Variants in BRD1 observed in about 807,000 individuals in gnomAD.
The protein encoded by BRD1 is bromodomain-containing protein 1.
BRD1 carries 24 observed loss-of-function variants against 107.7 expected under a neutral mutation model. The observed-to-expected ratio is 0.22, with a 90% CI of 0.16 to 0.31. The LOEUF (loss-of-function observed/expected upper bound fraction) is 0.31, where lower values mean the gene tolerates loss of function less well. Among genes scored for constraint, BRD1 ranks in the 10% least tolerant of loss-of-function variants. The pLI is 1.00. For synonymous variants in BRD1, 744 were observed against 686.1 expected (o/e 1.08, Z -1.32); for missense variants, 1,279 against 1,638.6 (o/e 0.78, Z 3.79).
intron 1 of BRD1, among the ~76,000 whole-genome samples, chr22:49,825,242 C>T (rs1031403365): frequency 6.6e-6 from 1 of 152,168 alleles, no homozygotes; most frequent in Non-Finnish European, 1.5e-5. Context: ...CCCCGGCACA[C>T]GTGAAGGCAG....
chr22:49,791,179 G>C (rs1423028196), intron 7 of BRD1, among the ~76,000 whole-genome samples: 1 of 152,222 alleles, frequency 6.6e-6, no homozygotes, highest in Admixed American at 6.5e-5. Context: ...ACGCAGCCCC[G>C]GGGAAGTCAG....
At chr22:49,813,901 C>T (rs892987247) in intron 2 of BRD1, among the ~76,000 whole-genome samples, 13 of 151,730 alleles carry the variant, frequency 8.6e-5, no homozygotes, top group Admixed American at 2.0e-4. Flanking sequence ...AGAGTGGGGA[C>T]GAGTTTCTTC....
Position 49,824,286 on chromosome 22 carries a change from G to C in BRD1, c.32C>G (p.Ser11Cys). The part of the protein sequence containing the change: MRRKGRCHRG[S>C]AARHPSSPCS... The stretch of plus-strand genomic sequence containing the variant: ...TGGGGAAGAAGGATGCCTCGCTGCA[G>C]AGCCTCGATGACATCGTCCTTTCCT... Residue 11 changes from serine (S) to cysteine (C), a missense_variant, in exon 2 of 13, where the codon TCT (serine) becomes TGT (cysteine). Around this residue, in one of 7 missense-constraint regions of BRD1, gnomAD observed 223 missense variants for 263.5 expected, o/e 0.85. Coordinates refer to ENST00000404760, the MANE Select transcript of BRD1 (RefSeq NM_001304808.3). The surrounding 1 kb of genome is among the most constrained non-coding windows in gnomAD (Gnocchi z 5.9). 1.2e-6 allele frequency: 2 copies of C among 1,613,856 alleles called. No homozygotes were observed. The highest frequency in any genetic ancestry group is 1.7e-4 in the Middle Eastern group (1 of 6,060).
At chr22:49,788,917 T>A (rs904613428) in intron 7 of BRD1, among the ~76,000 whole-genome samples, 1 of 152,256 alleles carries the variant, frequency 6.6e-6, no homozygotes, top group Non-Finnish European at 1.5e-5. Flanking sequence ...CCGTTTGAAG[T>A]ATGTATGGTT....
intron 2 of BRD1, among the ~76,000 whole-genome samples, chr22:49,821,517 T>C (rs2060065426): frequency 6.6e-6 from 1 of 152,246 alleles, no homozygotes. Flanking sequence ...CTGAATTGAC[T>C]AATTATCTGA....
chr22:49,788,469 T>C (rs1179400017), intron 7 of BRD1, among the ~76,000 whole-genome samples: 1 of 152,226 alleles, frequency 6.6e-6, no homozygotes, highest in South Asian at 2.1e-4. Context: ...CCGTGCCACG[T>C]TCCCAAATAT....
rs898817908 is a variant in BRD1, at chr22:49,783,388, T to C, written c.2857+4002A>G. On this transcript the variant is annotated intron_variant, in intron 8 of 12. Coordinates refer to ENST00000404760, the MANE Select transcript of BRD1 (RefSeq NM_001304808.3). This position sits in a 1 kb window ranked among gnomAD's most constrained non-coding sequence, Gnocchi z 4.2. ...GGAAATCAGGTAGAAAACCCAGAAA[T>C]ACAGAAGATGCTAGCGAGTGAGTGA... 3.9e-5 allele frequency among the ~76,000 whole-genome samples: 6 copies of C among 152,084 alleles called. No homozygotes were observed. The highest frequency in any genetic ancestry group is 1.4e-4 in the African/African-American group (6 of 41,402).
At chr22:49,799,395 G>A (rs908386540) in intron 3 of BRD1, among the ~76,000 whole-genome samples, 2 of 152,250 alleles carry the variant, frequency 1.3e-5, no homozygotes, top group African/African-American at 4.8e-5. Context: ...CCTCCAGAGA[G>A]GACAGAGGCC....
intron 6 of BRD1, among the ~76,000 whole-genome samples, chr22:49,796,288 G>A (rs1202999280): frequency 1.3e-5 from 2 of 151,008 alleles, no homozygotes; most frequent in Non-Finnish European, 2.9e-5. Context: ...TACAGACAGG[G>A]TTTCACCACA....
intron 7 of BRD1, among the ~76,000 whole-genome samples, chr22:49,788,542 G>C (rs1381913819): frequency 1.3e-5 from 2 of 152,218 alleles, no homozygotes; most frequent in Non-Finnish European, 2.9e-5. Context: ...TTTGGAAAAA[G>C]ACGGCTTTAA....
intron 9 of BRD1, 107 bp from the exon 10 acceptor site, chr22:49,777,268 C>G: frequency 6.5e-7 from 1 of 1,527,640 alleles, no homozygotes. Flanking sequence ...CGCATCCTGC[C>G]TGACACCCCC....
intron 8 of BRD1, among the ~76,000 whole-genome samples, chr22:49,787,090 C>A: frequency 6.6e-6 from 1 of 152,092 alleles, no homozygotes; most frequent in East Asian, 1.9e-4. Context: ...AAAAAAAAAT[C>A]AGAGAGGAAG....
chr22:49,789,731 C>T (rs139674253), intron 7 of BRD1, among the ~76,000 whole-genome samples: 167 of 152,328 alleles, frequency 1.1e-3, no homozygotes, highest in African/African-American at 3.8e-3. Flanking sequence ...GCACCGTAAA[C>T]CCCCATCTCC....
chr22:49,780,441 CCCAA>C (rs1484427059), intron 8 of BRD1, among the ~76,000 whole-genome samples: 3 of 152,202 alleles, frequency 2.0e-5, no homozygotes, highest in African/African-American at 7.2e-5. Context: ...ACAAACCCAG[CCCAA>C]CCGAGACACC....
At chr22:49,826,443 G>C (rs2060149669) in intron 1 of BRD1, among the ~76,000 whole-genome samples, 1 of 152,232 alleles carries the variant, frequency 6.6e-6, no homozygotes, top group Non-Finnish European at 1.5e-5. Context: ...CCCTTCCACT[G>C]GGACAAGCAT....
At chr22:49,777,541 G>GCACA in intron 9 of BRD1, 137 bp downstream of exon 9, 1 of 1,194,648 alleles carries the variant, frequency 8.4e-7, no homozygotes, top group Non-Finnish European at 1.2e-6. Context: ...CAAGGGCAGA[G>GCACA]CACACATGAA....
chr22:49,781,546 G>T (rs890373025), intron 8 of BRD1, among the ~76,000 whole-genome samples: 1 of 152,252 alleles, frequency 6.6e-6, no homozygotes, highest in Non-Finnish European at 1.5e-5. Flanking sequence ...TGGCTGCCGA[G>T]ACACCTGAGG....
Position 49,777,023 on chromosome 22 carries a change from G to A in BRD1, c.3121+11C>T, listed in dbSNP as rs373375061. ...TGTGGAGAGCCATGGAGGCAGGTCCGGGCGACTCACCGGCTGCGATCCTGG... is the reference window on the plus strand; with the variant it reads ...TGTGGAGAGCCATGGAGGCAGGTCCAGGCGACTCACCGGCTGCGATCCTGG... On this transcript the variant is annotated intron_variant, in intron 10 of 12. Transcript: ENST00000404760. The A allele has an allele frequency of 4.7e-5, 76 of 1,612,828 alleles. No individual in the cohort carries two copies. The highest frequency in any genetic ancestry group is 1.1e-4 in the African/African-American group (8 of 74,934).
chr22:49,819,198 T>A (rs931993843), intron 2 of BRD1, among the ~76,000 whole-genome samples: 1 of 151,998 alleles, frequency 6.6e-6, no homozygotes, highest in Non-Finnish European at 1.5e-5. Flanking sequence ...AGGTGGAGGC[T>A]GCAGTGAGCC....
Sources: allele counts gnomAD v4.1 joint callset (sites outside exome capture counted in the v4.1 genomes callset), GRCh38; gene constraint gnomAD v4.1.1; regional missense constraint gnomAD v4.1.1; non-coding constraint Gnocchi (gnomAD v3.1); transcripts MANE v1.5; gene names NCBI Gene and HGNC (gene_info 2026-07-23, HGNC 2026-07-21).